Variants in RAD52 observed in about 807,000 individuals in gnomAD.
The protein encoded by RAD52 is RAD52 DNA repair protein.
In RAD52, 47 loss-of-function variants were observed where a neutral mutation model predicts 55.5. The ratio of observed to expected loss-of-function variants is 0.85; its 90% CI spans 0.67 to 1.08. The LOEUF is 1.08. Among genes scored for constraint, RAD52 ranks in the 50% least tolerant of loss-of-function variants. The probability of loss-of-function intolerance (pLI) is 0.00; values close to 1 mark genes in which losing one functional copy is unlikely to be tolerated. For missense variants in RAD52, 468 were observed against 522.8 expected (o/e 0.90, Z 1.02); for synonymous variants, 184 against 198.9 (o/e 0.92, Z 0.63).
rs764170635 is a variant in RAD52 at position 930,091 on chromosome 12, A to G, written c.240T>C (p.Gly80=). The G allele has an allele frequency of 3.1e-6, 5 of 1,614,024 alleles. No individual in the cohort carries two copies. The highest frequency in any genetic ancestry group is 4.2e-6 in the Non-Finnish European group (5 of 1,180,014). ...TGATGGAGTGTGCCCAGCCATTGTA[A>G]CCAAACATCTCATTGGCCAGATTAA... ...RVINLANEMF[G]YNGWAHSITQ... is the part of the protein sequence containing the mutation. Residue 80 remains glycine (G), a synonymous_variant, in exon 4 of 12, where the codon GGT becomes GGC. Transcript: ENST00000358495.
chr12:984,147 T>C (rs1299283751), intron 1 of RAD52, among the ~76,000 whole-genome samples: 1 of 152,174 alleles, frequency 6.6e-6, no homozygotes, highest in African/African-American at 2.4e-5. Flanking sequence ...ACACTCCCTC[T>C]TCCCCCTCCC....
At chr12:943,365 C>T (rs12316172) in intron 1 of RAD52, among the ~76,000 whole-genome samples, 555 of 152,276 alleles carry the variant, frequency 3.6e-3, no homozygotes, top group African/African-American at 0.013. Flanking sequence ...TTTTTTGAGA[C>T]GAAGTCTTGT....
chr12:973,194 C>G (rs780523529), intron 1 of RAD52, among the ~76,000 whole-genome samples: 2 of 152,064 alleles, frequency 1.3e-5, no homozygotes, highest in African/African-American at 4.8e-5. Context: ...CTCAGCCTCC[C>G]AAGTAGCTGG....
At position 916,456 on chromosome 12, in the gene RAD52, G is replaced by T; in HGVS notation, c.753C>A (p.Ser251Arg). Residue 251 changes from serine (S) to arginine (R), a missense_variant, in exon 9 of 12, where the codon AGC becomes AGA. Transcript: ENST00000358495. ...SRSLSSSAVE[S>R]EATHQRKLRQ... ...GGAGCTTCCGCTGGTGCGTGGCCTCGCTCTCCACGGCGGATGAGCTCAGGC... is the reference window on the plus strand; with the variant it reads ...GGAGCTTCCGCTGGTGCGTGGCCTCTCTCTCCACGGCGGATGAGCTCAGGC... The T allele has an allele frequency of 6.2e-7, 1 of 1,607,250 alleles. No homozygotes were observed.
At chr12:932,203 A>G (rs1042008630) in intron 2 of RAD52, among the ~76,000 whole-genome samples, 2 of 152,146 alleles carry the variant, frequency 1.3e-5, no homozygotes, top group African/African-American at 4.8e-5. Context: ...TAAAAATACA[A>G]AAAAATTAAG....
chr12:929,106 T>C (rs1592368730), intron 5 of RAD52, among the ~76,000 whole-genome samples: 1 of 152,160 alleles, frequency 6.6e-6, no homozygotes, highest in East Asian at 1.9e-4. Flanking sequence ...GCTCAAGCAG[T>C]CCTTCCACCT....
intron 7 of RAD52, among the ~76,000 whole-genome samples, chr12:917,770 C>A (rs374336624): frequency 1.3e-3 from 137 of 107,242 alleles, no homozygotes; most frequent in African/African-American, 1.7e-3. Flanking sequence ...ACTAAAAATA[C>A]AAAAAAAAAA....
chr12:941,195 TAC>T (rs1183364027), intron 1 of RAD52, among the ~76,000 whole-genome samples: 4 of 152,184 alleles, frequency 2.6e-5, no homozygotes, highest in Non-Finnish European at 4.4e-5. Flanking sequence ...ACACATTACA[TAC>T]AGAGTAATGA....
Position 955,456 on chromosome 12 carries a change from C to T in RAD52, c.-18-22380G>A, listed in dbSNP as rs1040370674. 7.0e-5 allele frequency among the ~76,000 whole-genome samples: 10 copies of T among 143,370 alleles called. 1 individual carries two copies. The highest frequency in any genetic ancestry group is 4.0e-4 in the East Asian group (2 of 4,944). 94.1% of individuals were successfully genotyped at this position (143,370 alleles called of 152,430 possible). A position where few individuals can be genotyped will look rare whatever the true frequency, so the allele number is the denominator to read the frequency against. ...ACAGAACCCTGATTTGGGACAGCAA[C>T]GTACTGTTCTTCTTCTTCTTTCTTT... On this transcript the variant is annotated intron_variant, in intron 1 of 11. Coordinates refer to the RAD52 transcript ENST00000430095.
chr12:947,863 G>T (rs1008092488), intron 1 of RAD52, among the ~76,000 whole-genome samples: 11 of 142,844 alleles, frequency 7.7e-5, no homozygotes, highest in Non-Finnish European at 3.0e-5. Flanking sequence ...TCCACCCTGG[G>T]CAACAAGAGT....
intron 1 of RAD52, among the ~76,000 whole-genome samples, chr12:945,549 TC>T (rs1309833979): frequency 2.0e-5 from 3 of 150,978 alleles, no homozygotes; most frequent in African/African-American, 2.4e-5. Context: ...TTCTGGTGCC[TC>T]AGCCTCCTGA....
At chr12:974,978 T>A (rs1362297702) in intron 1 of RAD52, 4 of 152,118 alleles carry the variant, frequency 2.6e-5, no homozygotes, top group Admixed American at 2.6e-4. Context: ...CAGACAACCA[T>A]GGACCAAAGA....
chr12:925,454 C>A lies in RAD52; in HGVS notation c.539G>T (p.Arg180Leu). The A allele has an allele frequency of 6.2e-7, 1 of 1,612,522 alleles. No individual in the cohort carries two copies. The highest frequency in any genetic ancestry group is 1.1e-5 in the South Asian group (1 of 91,046). Residue 180 changes from arginine (R) to leucine (L), a missense_variant, in exon 7 of 12, where the codon CGC becomes CTC. Coordinates refer to ENST00000358495, the MANE Select transcript of RAD52 (RefSeq NM_134424.4). ...DYLRSLNKLP[R>L]QLPLEVDLTK... Reference sequence around the variant, plus strand: ...ACTCATCCATGTCTGATATACCTGGCGTGGAAGCTTATTTAGTGATCTCAG... The same window carrying A: ...ACTCATCCATGTCTGATATACCTGGAGTGGAAGCTTATTTAGTGATCTCAG...
chr12:931,331 C>CA lies in RAD52; in HGVS notation c.85-11dup. 3 of 1,558,758 alleles carry CA rather than the reference C, an allele frequency of 1.9e-6. No individual in the cohort carries two copies. The highest frequency in any genetic ancestry group is 1.4e-5 in the African/African-American group (1 of 71,796). On this transcript the variant is annotated splice_polypyrimidine_tract_variant and intron_variant, in intron 2 of 11. Transcript: ENST00000358495. ...CTGCTGTGTACTGGCACTGCAACCC[C>CA]AAAAAAGAAAATTAAATTCACACTT...
chr12:946,375 A>G (rs145370715), intron 1 of RAD52, among the ~76,000 whole-genome samples: 1 of 152,314 alleles, frequency 6.6e-6, no homozygotes, highest in Admixed American at 6.5e-5. Flanking sequence ...TAAAGCCATC[A>G]TGAACACTGA....
chr12:966,832 C>A (rs1958776904), intron 1 of RAD52, among the ~76,000 whole-genome samples: 1 of 151,836 alleles, frequency 6.6e-6, no homozygotes, highest in South Asian at 2.1e-4. Flanking sequence ...AATAAATAGC[C>A]TTTAAATAAG....
rs1958604051 is a variant in RAD52, at chr12:956,225, A to G, written c.-18-23149T>C. On this transcript the variant is annotated intron_variant, in intron 1 of 11. Coordinates refer to the RAD52 transcript ENST00000430095. ...TCTTCCAACGCAATAAGCAGGGACA[A>G]GAAAATTTCAGAAGCCAACCCATAA... is the stretch of plus-strand genomic sequence containing the variant. Among the ~76,000 whole-genome samples the G allele has an allele frequency of 1.3e-5, 2 of 152,296 alleles. 1 individual carries two copies. The highest frequency in any genetic ancestry group is 4.1e-4 in the South Asian group (2 of 4,832).
At position 970,953 on chromosome 12, in the gene RAD52, T is replaced by C. The variant is rs115699158; in HGVS notation, c.-19+18856A>G. ...GACAGGAAATAAATCGATACTTGAT[T>C]GTGTTATATAGTAGCTGTTTCTAAG... On this transcript the variant is annotated intron_variant, in intron 1 of 11. Transcript: ENST00000430095. Among the ~76,000 whole-genome samples the C allele has an allele frequency of 6.7e-3, 1,019 of 152,244 alleles. 7 individuals carry two copies. The highest frequency in any genetic ancestry group is 0.022 in the African/African-American group (926 of 41,514).
At chr12:947,464 A>G (rs1344656931) in intron 1 of RAD52, among the ~76,000 whole-genome samples, 1 of 150,950 alleles carries the variant, frequency 6.6e-6, no homozygotes, top group African/African-American at 2.4e-5. Context: ...CATTGCCAAC[A>G]CGGTGAAACC....
Sources: allele counts gnomAD v4.1 joint callset (sites outside exome capture counted in the v4.1 genomes callset), GRCh38; gene constraint gnomAD v4.1.1; transcripts MANE v1.5; gene names NCBI Gene and HGNC (gene_info 2026-07-23, HGNC 2026-07-21).